RHOBTB2: variants seen among roughly 807,000 people sequenced by gnomAD.
RHOBTB2 encodes Rho related BTB domain containing 2.
Under a neutral mutation model 66.5 loss-of-function variants are expected in RHOBTB2, and 39 were observed. That is an observed-to-expected ratio of 0.59 (90% CI 0.45 to 0.77). RHOBTB2 has a LOEUF of 0.77. Ranked by LOEUF, RHOBTB2 falls within the 30% of genes least tolerant of loss-of-function variation. RHOBTB2 has a pLI of 0.00. For missense variants in RHOBTB2, 755 were observed against 999.1 expected (o/e 0.76, Z 3.29); for synonymous variants, 390 against 395.0 (o/e 0.99, Z 0.15).
rs1335394417 is a variant in RHOBTB2 at position 23,006,997 on chromosome 8, G to A, written c.752G>A (p.Ser251Asn). Residue 251 changes from serine (S) to asparagine (N), a missense_variant, in exon 5 of 10, where the codon AGC (serine) becomes AAC (asparagine). Ser to Asn is a conservative substitution (Grantham distance 46). Around this residue, in one of 7 missense-constraint regions of RHOBTB2, gnomAD observed 247 missense variants for 238.9 expected, o/e 1.03. Transcript: ENST00000251822. This position sits in a 1 kb window ranked among gnomAD's most constrained non-coding sequence, Gnocchi z 6.1. ...ATCGTGGTGCCCGACCCTCCCTCCA[G>A]CAGCGAGGAGTGCCCCGCCCACCTC... ...PIIVVPDPPSSSEECPAHLLE... is the reference protein window; with the variant it reads ...PIIVVPDPPSNSEECPAHLLE... The A allele has an allele frequency of 6.2e-7, 1 of 1,609,650 alleles. No individual in the cohort carries two copies. Among genetic ancestry groups the A allele is most frequent in the East Asian group, 2.2e-5 (1 of 44,858 alleles).
In RHOBTB2 at chr8:23,006,324, C is replaced by G. The variant is rs747545130; in HGVS notation, c.482+179C>G. ...TCATTCATATACCTGTTGCACACCT[C>G]TGGTGTGGGCAGTGCTATGTAAAGC... On this transcript the variant is annotated intron_variant, in intron 4 of 9. Transcript: ENST00000251822. This position sits in a 1 kb window ranked among gnomAD's most constrained non-coding sequence, Gnocchi z 6.1. 6.3e-5 allele frequency: 38 copies of G among 604,364 alleles called. No individual in the cohort carries two copies. The highest frequency in any genetic ancestry group is 4.4e-4 in the Middle Eastern group (1 of 2,260). The allele number at this position is 604,364 out of a possible 1,614,324, so 37.4% of individuals were successfully genotyped here. A position where few individuals can be genotyped will look rare whatever the true frequency, so the allele number is the denominator to read the frequency against.
chr8:22,977,598 G>C, the RHOBTB2 span, among the ~76,000 whole-genome samples: 8 of 144,724 alleles, frequency 5.5e-5, 1 homozygote, highest in Admixed American at 4.8e-4. Flanking sequence ...GCTGTTGAAA[G>C]AACAAATTTG....
rs1811456506 is a variant in RHOBTB2, at chr8:23,020,051, G to A, written c.*2582G>A. On this transcript the variant is annotated 3_prime_UTR_variant, in exon 10 of 10. Transcript: ENST00000251822. ...GAGGAAGGAAGGAGTCCCAGCAGGAGCACAGCCCTGGTTTCCTGTCACTCA... is the reference window on the plus strand; with the variant it reads ...GAGGAAGGAAGGAGTCCCAGCAGGAACACAGCCCTGGTTTCCTGTCACTCA... The A allele has an allele frequency of 2.9e-6, 1 of 345,784 alleles. No homozygotes were observed. Among genetic ancestry groups the A allele is most frequent in the Non-Finnish European group, 5.7e-6 (1 of 176,742 alleles). 21.4% of individuals were successfully genotyped at this position (345,784 alleles called of 1,614,324 possible).
intron 1 of RHOBTB2, among the ~76,000 whole-genome samples, chr8:22,987,819 G>C (rs935283097): frequency 6.6e-6 from 1 of 152,216 alleles, no homozygotes; most frequent in Non-Finnish European, 1.5e-5. Flanking sequence ...GTGGCAGCCA[G>C]ATCTGGGGCA....
chr8:22,978,609 A>G, the RHOBTB2 span, among the ~76,000 whole-genome samples: 1 of 150,988 alleles, frequency 6.6e-6, no homozygotes, highest in African/African-American at 2.4e-5. Context: ...GTTTGCAAAC[A>G]TTTACAATAA....
At chr8:22,983,476 C>A (rs1403273742), upstream of RHOBTB2, among the ~76,000 whole-genome samples, 1 of 149,586 alleles carries the variant, frequency 6.7e-6, no homozygotes. Context: ...CAAAGTGAGA[C>A]CCACCTCTCA....
chr8:23,017,480 C>T lies in RHOBTB2; in HGVS notation c.*11C>T. ...TCGGCTGTGGTCTGAGATGCTGCCA[C>T]CCTCTTCTGACCCTGCTGCTGTTGT... On this transcript the variant is annotated 3_prime_UTR_variant, in exon 10 of 10. Coordinates refer to ENST00000251822, the MANE Select transcript of RHOBTB2 (RefSeq NM_015178.3). The surrounding 1 kb of genome is among the most constrained non-coding windows in gnomAD (Gnocchi z 5.3). The T allele has an allele frequency of 6.4e-7, 1 of 1,567,146 alleles. No individual in the cohort carries two copies. The highest frequency in any genetic ancestry group is 8.6e-7 in the Non-Finnish European group (1 of 1,156,212).
At chr8:22,959,907 T>C in the RHOBTB2 span, among the ~76,000 whole-genome samples, 1 of 149,436 alleles carries the variant, frequency 6.7e-6, no homozygotes, top group African/African-American at 2.5e-5. Flanking sequence ...CTTATGTTTA[T>C]AATCCCAGCA....
chr8:22,982,387 C>A, the RHOBTB2 span, among the ~76,000 whole-genome samples: 1 of 152,102 alleles, frequency 6.6e-6, no homozygotes. Flanking sequence ...TTGGGGAGGC[C>A]GAGGTCGGTG....
chr8:23,011,287 T>G (rs1002927599), intron 7 of RHOBTB2, among the ~76,000 whole-genome samples: 1 of 152,142 alleles, frequency 6.6e-6, no homozygotes, highest in African/African-American at 2.4e-5. Flanking sequence ...AACATGACAG[T>G]GCTTTATGTT....
In RHOBTB2 at chr8:23,006,931, T is replaced by A. The variant is rs1428039838; in HGVS notation, c.686T>A (p.Leu229Gln). ...CTCCGCAATGTGCAGCGGCCTCTGCTGCAGGCACCCTTCCTACCCCCCAAG... is the reference window on the plus strand; with the variant it reads ...CTCCGCAATGTGCAGCGGCCTCTGCAGCAGGCACCCTTCCTACCCCCCAAG... ...SHLRNVQRPLLQAPFLPPKPP... is the reference protein window; with the variant it reads ...SHLRNVQRPLQQAPFLPPKPP... The change falls in exon 5 of 10, where the codon CTG (leucine) becomes CAG (glutamine). Residue 229 changes from leucine to glutamine, a missense_variant. Coordinates refer to ENST00000251822, the MANE Select transcript of RHOBTB2 (RefSeq NM_015178.3). The surrounding 1 kb of genome is among the most constrained non-coding windows in gnomAD (Gnocchi z 6.1). 11 of 1,613,432 alleles carry A rather than the reference T, an allele frequency of 6.8e-6. No homozygotes were observed. Among genetic ancestry groups the A allele is most frequent in the African/African-American group, 2.7e-5 (2 of 74,914 alleles).
rs570153883 is a variant in RHOBTB2 at position 23,000,048 on chromosome 8, G to A, written c.-68G>A. The A allele has an allele frequency of 1.5e-5, 15 of 985,538 alleles. No homozygotes were observed. The African/African-American group carries it at 2.4e-4, about 16-fold the overall frequency. 61.0% of individuals were successfully genotyped at this position (985,538 alleles called of 1,614,324 possible). Reference sequence around the variant, plus strand: ...CCTGACATTTCACTAAAATGAGCGTGCTCAGCAGGAAGAGATGTGTTCCTC... The same window carrying A: ...CCTGACATTTCACTAAAATGAGCGTACTCAGCAGGAAGAGATGTGTTCCTC... On this transcript the variant is annotated 5_prime_UTR_variant, in exon 1 of 10. Coordinates refer to ENST00000251822, the MANE Select transcript of RHOBTB2 (RefSeq NM_015178.3).
upstream of RHOBTB2, among the ~76,000 whole-genome samples, chr8:22,983,256 T>C (rs1001833198): frequency 2.6e-5 from 4 of 151,400 alleles, no homozygotes; most frequent in African/African-American, 9.7e-5. Flanking sequence ...AGGGGGAATA[T>C]GGACAACATG....
the RHOBTB2 span, among the ~76,000 whole-genome samples, chr8:22,966,921 G>A: frequency 6.6e-6 from 1 of 152,174 alleles, no homozygotes; most frequent in East Asian, 1.9e-4. Context: ...TTACAAGGAT[G>A]TAGAGACATT....
intron 1 of RHOBTB2, 129 bp downstream of exon 1, chr8:23,000,234 C>A: frequency 3.6e-6 from 2 of 548,982 alleles, no homozygotes; most frequent in Non-Finnish European, 4.6e-6. Context: ...TGGGCTCTGG[C>A]TTCGGCTGCT....
chr8:23,019,885 T>A lies in RHOBTB2; in HGVS notation c.*2416T>A, dbSNP rs955694146. On this transcript the variant is annotated 3_prime_UTR_variant, in exon 10 of 10. Transcript: ENST00000251822. The stretch of plus-strand genomic sequence containing the variant: ...TGAGCCAGGCCAACATTGGTGTCCC[T>A]GTCCCCAGAGGGAGGAGCAGGCAGG... 1 of 200,176 alleles carries A rather than the reference T, an allele frequency of 5.0e-6. No homozygotes were observed. Among genetic ancestry groups the A allele is most frequent in the Non-Finnish European group, 1.0e-5 (1 of 96,838 alleles). 12.4% of individuals were successfully genotyped at this position (200,176 alleles called of 1,614,324 possible).
At chr8:22,988,354 G>A (rs891271900) in intron 1 of RHOBTB2, among the ~76,000 whole-genome samples, 3 of 151,796 alleles carry the variant, frequency 2.0e-5, no homozygotes, top group African/African-American at 7.3e-5. Flanking sequence ...TAGAGACAGG[G>A]TTTCAGCATA....
At chr8:22,960,014 A>AT in the RHOBTB2 span, among the ~76,000 whole-genome samples, 40 of 150,116 alleles carry the variant, frequency 2.7e-4, no homozygotes, top group African/African-American at 8.6e-4. Context: ...AAAAAAAAAA[A>AT]AAAAAAATAC....
At chr8:22,988,262 T>C (rs1439882901) in intron 1 of RHOBTB2, among the ~76,000 whole-genome samples, 1 of 149,060 alleles carries the variant, frequency 6.7e-6, no homozygotes, top group Non-Finnish European at 1.5e-5. Context: ...CGAATTCAAG[T>C]GATTCTCCTG....
Sources: gnomAD v4.1 joint callset for allele counts (sites outside exome capture counted in the v4.1 genomes callset) on GRCh38, gnomAD v4.1.1 for gene constraint, gnomAD v4.1.1 regional missense constraint, Gnocchi (gnomAD v3.1) non-coding constraint, MANE v1.5 for transcripts, NCBI Gene and HGNC (gene_info 2026-07-23, HGNC 2026-07-21) for gene names.